Variants in KIF26B observed in about 807,000 individuals in gnomAD.
KIF26B encodes kinesin-like protein KIF26B.
Under a neutral mutation model 151.2 loss-of-function variants are expected in KIF26B, and 63 were observed. The observed-to-expected ratio is 0.42, with a 90% confidence interval of 0.34 to 0.51. The LOEUF (loss-of-function observed/expected upper bound fraction) is 0.51. Ranked by LOEUF, KIF26B falls within the 20% of genes least tolerant of loss-of-function variation. The pLI, the probability that KIF26B is intolerant of heterozygous loss-of-function variation, is 0.07. For missense variants in KIF26B, 2,813 were observed against 2,913.6 expected (o/e 0.97, Z 0.79); for synonymous variants, 1,357 against 1,262.1 (o/e 1.08, Z -1.59).
intron 4 of KIF26B, among the ~76,000 whole-genome samples, chr1:245,539,504 G>T (rs561835834): frequency 1.8e-4 from 28 of 152,274 alleles, no homozygotes; most frequent in African/African-American, 6.7e-4. Context: ...ATTTGATGAG[G>T]AAATTAGAAT....
chr1:245,400,080 A>G (rs7545405), intron 3 of KIF26B, among the ~76,000 whole-genome samples: 16,383 of 152,240 alleles, frequency 0.11, 1,605 homozygotes, highest in African/African-American at 0.27. Flanking sequence ...TTTAAAGGCT[A>G]TAGAAATCTG....
At chr1:245,234,507 G>C (rs2103556815) in intron 2 of KIF26B, 1 of 152,548 alleles carries the variant, frequency 6.6e-6, no homozygotes, top group Middle Eastern at 3.4e-3. Flanking sequence ...TCTGCGTGCA[G>C]GGAGGGATGG....
chr1:245,390,062 C>T (rs976788110), intron 3 of KIF26B, among the ~76,000 whole-genome samples: 7 of 151,854 alleles, frequency 4.6e-5, no homozygotes, highest in African/African-American at 9.7e-5. Context: ...GCTCTAATGG[C>T]GCAAAGGCAA....
At chr1:245,692,422 G>T (rs2044637754) in intron 12 of KIF26B, among the ~76,000 whole-genome samples, 1 of 152,222 alleles carries the variant, frequency 6.6e-6, no homozygotes, top group Non-Finnish European at 1.5e-5. Context: ...GCAGAGAAAT[G>T]TCGGGATTGA....
chr1:245,532,968 G>A (rs1403915689), intron 4 of KIF26B, among the ~76,000 whole-genome samples: 2 of 152,178 alleles, frequency 1.3e-5, no homozygotes, highest in African/African-American at 4.8e-5. Context: ...AGCATTAATG[G>A]TGTTTGTTAC....
intron 5 of KIF26B, among the ~76,000 whole-genome samples, chr1:245,558,327 C>T (rs1432395439): frequency 1.3e-5 from 2 of 152,172 alleles, no homozygotes; most frequent in Non-Finnish European, 2.9e-5. Flanking sequence ...CTTCTCTCGC[C>T]TGCCCCCTTG....
intron 2 of KIF26B, among the ~76,000 whole-genome samples, chr1:245,254,365 CA>C: frequency 6.6e-6 from 1 of 151,544 alleles, no homozygotes; most frequent in East Asian, 1.9e-4. Context: ...CTTTCCAGAG[CA>C]AAAAATTGGA....
Position 245,516,515 on chromosome 1 carries a change from T to C in KIF26B, c.1167-24252T>C, listed in dbSNP as rs976847380. On this transcript the variant is annotated intron_variant, in intron 4 of 14. Transcript: ENST00000407071. This position sits in a 1 kb window ranked among gnomAD's most constrained non-coding sequence, Gnocchi z 4.2. The stretch of plus-strand genomic sequence containing the variant: ...CCTTTGCTATACAGTGAATACACTG[T>C]GGGTCTATTATTCGCCTCTTCAGAT... Among the ~76,000 whole-genome samples, 2 of 152,152 alleles carry C rather than the reference T, an allele frequency of 1.3e-5. No individual in the cohort carries two copies. Among genetic ancestry groups the C allele is most frequent in the African/African-American group, 4.8e-5 (2 of 41,426 alleles).
intron 8 of KIF26B, among the ~76,000 whole-genome samples, chr1:245,611,243 C>T (rs2043518189): frequency 6.6e-6 from 1 of 152,128 alleles, no homozygotes; most frequent in South Asian, 2.1e-4. Flanking sequence ...TATAACTATG[C>T]TAGTAAATAT....
chr1:245,576,056 G>A (rs993282911), intron 5 of KIF26B, among the ~76,000 whole-genome samples: 3 of 152,102 alleles, frequency 2.0e-5, no homozygotes, highest in Non-Finnish European at 2.9e-5. Context: ...TAAGCATCAG[G>A]CTCTTCAGAC....
intron 2 of KIF26B, among the ~76,000 whole-genome samples, chr1:245,344,422 A>G (rs115362804): frequency 0.097 from 13,226 of 136,242 alleles, 1,237 homozygotes; most frequent in African/African-American, 0.27. Context: ...GTGAACCCGG[A>G]GGGCGGAGCC....
chr1:245,691,155 G>GT lies in KIF26B; in HGVS notation c.5824+2355dup, dbSNP rs200286284. Among the ~76,000 whole-genome samples the GT allele has an allele frequency of 2.4e-3, 364 of 152,308 alleles. 2 individuals are homozygous for GT. The highest frequency in any genetic ancestry group is 8.4e-3 in the African/African-American group (349 of 41,558). ...ATTTCCGTGGCTTTCACAGGTTTTTGTTTTTTTCCCCAAGACTTTTATTGT... is the reference window on the plus strand; with the variant it reads ...ATTTCCGTGGCTTTCACAGGTTTTTGTTTTTTTTCCCCAAGACTTTTATTGT... On this transcript the variant is annotated intron_variant, in intron 12 of 14. Coordinates refer to ENST00000407071, the MANE Select transcript of KIF26B (RefSeq NM_018012.4).
intron 4 of KIF26B, among the ~76,000 whole-genome samples, chr1:245,456,184 C>T (rs952531440): frequency 6.6e-6 from 1 of 152,118 alleles, no homozygotes; most frequent in East Asian, 1.9e-4. Flanking sequence ...TTACCTGTGT[C>T]ATTTAGTATA....
Position 245,662,387 on chromosome 1 carries a change from A to G in KIF26B, c.2258+16107A>G, listed in dbSNP as rs1225617469. 4.0e-5 allele frequency among the ~76,000 whole-genome samples: 3 copies of G among 75,442 alleles called. No homozygotes were observed. The Admixed American group carries it at 4.2e-4, about 11-fold the overall frequency. The allele number at this position is 75,442 out of a possible 152,430, so 49.5% of individuals were successfully genotyped here. On this transcript the variant is annotated intron_variant, in intron 10 of 14. Transcript: ENST00000407071. ...CCAGTGATATATACACACACACCAT[A>G]TATATATACACACACATACACCCAG...
chr1:245,578,238 T>C (rs1328511457), intron 5 of KIF26B, among the ~76,000 whole-genome samples: 1 of 152,244 alleles, frequency 6.6e-6, no homozygotes, highest in Non-Finnish European at 1.5e-5. Flanking sequence ...TGTCTCCCCA[T>C]GAATGCTGAC....
At chr1:245,183,494 CAG>C (rs1462749088) in intron 2 of KIF26B, among the ~76,000 whole-genome samples, 3 of 152,156 alleles carry the variant, frequency 2.0e-5, no homozygotes, top group Non-Finnish European at 2.9e-5. Context: ...AGAAATTTTC[CAG>C]ACTCATTCAG....
At chr1:245,506,467 T>TCTTAATC (rs1037559826) in intron 4 of KIF26B, among the ~76,000 whole-genome samples, 8 of 152,322 alleles carry the variant, frequency 5.3e-5, no homozygotes, top group African/African-American at 1.7e-4. Context: ...GCCATCGCTC[T>TCTTAATC]CTTAATCTGT....
intron 4 of KIF26B, among the ~76,000 whole-genome samples, chr1:245,506,931 C>T (rs1291588244): frequency 3.9e-5 from 6 of 152,198 alleles, no homozygotes; most frequent in Admixed American, 2.6e-4. Flanking sequence ...CCACCCACGT[C>T]GGCCTCCCAA....
At chr1:245,155,597 A>C (rs1668415593) in intron 1 of KIF26B, 110 bp downstream of exon 1, 1 of 953,988 alleles carries the variant, frequency 1.0e-6, no homozygotes, top group African/African-American at 1.7e-5. Flanking sequence ...CCCGCTGCAG[A>C]GGCGCCCCCG....
Sources: allele counts gnomAD v4.1 joint callset (sites outside exome capture counted in the v4.1 genomes callset), GRCh38; gene constraint gnomAD v4.1.1; non-coding constraint Gnocchi (gnomAD v3.1); transcripts MANE v1.5; gene names NCBI Gene and HGNC (gene_info 2026-07-23, HGNC 2026-07-21).